Variants in HECW2 observed in about 807,000 individuals in gnomAD.
The protein encoded by HECW2 is HECT, C2 and WW domain containing E3 ubiquitin protein ligase 2.
HECW2 carries 61 observed loss-of-function variants against 175.2 expected under a neutral mutation model. The ratio of observed to expected loss-of-function variants is 0.35; its 90% CI spans 0.28 to 0.43. The LOEUF is 0.43. Ranked by LOEUF, HECW2 falls within the 20% of genes least tolerant of loss-of-function variation. HECW2 has a pLI of 1.00. For missense variants in HECW2, 1,524 were observed against 2,000.5 expected (o/e 0.76, Z 4.54); for synonymous variants, 671 against 731.0 (o/e 0.92, Z 1.32).
chr2:196,560,336 G>A (rs1453572604), intron 1 of HECW2, among the ~76,000 whole-genome samples: 2 of 152,034 alleles, frequency 1.3e-5, no homozygotes, highest in Non-Finnish European at 2.9e-5. Context: ...AGTAGAGACG[G>A]GGTTTCACCA....
At chr2:196,278,398 A>C (rs1575345598) in intron 15 of HECW2, 130 bp downstream of exon 15, 2 of 942,472 alleles carry the variant, frequency 2.1e-6, no homozygotes, top group East Asian at 2.6e-5. Context: ...AAAGCTTTTC[A>C]GCCTCTAAAT....
intron 7 of HECW2, among the ~76,000 whole-genome samples, chr2:196,322,158 C>T (rs1356008717): frequency 6.6e-6 from 1 of 152,088 alleles, no homozygotes; most frequent in Non-Finnish European, 1.5e-5. Context: ...TCAACCTGAT[C>T]CAAGAATTCT....
chr2:196,448,460 A>G (rs113917239), intron 1 of HECW2, among the ~76,000 whole-genome samples: 5 of 152,176 alleles, frequency 3.3e-5, no homozygotes, highest in Non-Finnish European at 5.9e-5. Flanking sequence ...TCTGGGTTAC[A>G]ACTGGGTTAT....
At chr2:196,556,211 T>C (rs957914644) in intron 1 of HECW2, among the ~76,000 whole-genome samples, 2 of 152,198 alleles carry the variant, frequency 1.3e-5, no homozygotes, top group African/African-American at 2.4e-5. Context: ...GAGTACATGA[T>C]GTTTTGATAT....
intron 1 of HECW2, among the ~76,000 whole-genome samples, chr2:196,472,927 T>C (rs1157813811): frequency 2.0e-5 from 3 of 152,318 alleles, no homozygotes; most frequent in African/African-American, 4.8e-5. Context: ...AGCTGGAAGG[T>C]AACTTTTTTA....
Position 196,433,322 on chromosome 2 carries a change from C to G in HECW2, c.102G>C (p.Gln34His), listed in dbSNP as rs781267320. 2 of 1,614,132 alleles carry G rather than the reference C, an allele frequency of 1.2e-6. No homozygotes were observed. Among genetic ancestry groups the G allele is most frequent in the Admixed American group, 1.7e-5 (1 of 60,028 alleles). Residue 34 changes from glutamine to histidine, a missense_variant, in exon 2 of 29, where the codon CAG becomes CAC. Transcript: ENST00000644978. ...SPENLQSLAA[Q>H]SSMPENMTLQ... ...GGGTCATGTTCTCTGGCATGGAGCT[C>G]TGGGCGGCAAGGCTCTGGAGGTTCT...
intron 2 of HECW2, among the ~76,000 whole-genome samples, chr2:196,401,492 G>C (rs1694815988): frequency 6.6e-6 from 1 of 152,058 alleles, no homozygotes; most frequent in Non-Finnish European, 1.5e-5. Flanking sequence ...AGTATTATTT[G>C]AAATTTTATG....
chr2:196,364,081 T>C (rs1170472355), intron 2 of HECW2, among the ~76,000 whole-genome samples: 1 of 152,170 alleles, frequency 6.6e-6, no homozygotes, highest in Non-Finnish European at 1.5e-5. Flanking sequence ...CAGCTCTTAC[T>C]ATCACTCACT....
rs535594126 is a variant in HECW2, at chr2:196,343,056, G to C, written c.400+601C>G. Among the ~76,000 whole-genome samples the C allele has an allele frequency of 2.4e-4, 35 of 146,810 alleles. 1 individual carries two copies. Among genetic ancestry groups the C allele is most frequent in the Non-Finnish European group, 4.8e-4 (32 of 67,364 alleles). On this transcript the variant is annotated intron_variant, in intron 3 of 28. Coordinates refer to ENST00000644978, the MANE Select transcript of HECW2 (RefSeq NM_001348768.2). ...GTACATGTAATATTTGCATATATAT[G>C]TAAATGTGTATGTTTGTGTGTGTGT...
chr2:196,532,230 A>G (rs530218229), intron 1 of HECW2, among the ~76,000 whole-genome samples: 11 of 152,326 alleles, frequency 7.2e-5, no homozygotes, highest in African/African-American at 2.2e-4. Flanking sequence ...AACCAACCCA[A>G]ATGTCCATCA....
chr2:196,375,843 C>CT (rs1255255935), intron 2 of HECW2, among the ~76,000 whole-genome samples: 1 of 152,264 alleles, frequency 6.6e-6, no homozygotes, highest in African/African-American at 2.4e-5. Flanking sequence ...ATGAATGACA[C>CT]TTGTTCTATA....
At chr2:196,363,224 T>C (rs1018815479) in intron 2 of HECW2, among the ~76,000 whole-genome samples, 1 of 151,886 alleles carries the variant, frequency 6.6e-6, no homozygotes, top group Admixed American at 6.6e-5. Context: ...ATAGCAAGCA[T>C]GTTCAGAATG....
At chr2:196,484,513 G>A (rs550391697) in intron 1 of HECW2, among the ~76,000 whole-genome samples, 1 of 152,044 alleles carries the variant, frequency 6.6e-6, no homozygotes, top group East Asian at 1.9e-4. Context: ...TTCACTCTGC[G>A]GTCCCTCCTC....
chr2:196,282,209 CAT>C (rs1328971644), intron 14 of HECW2, among the ~76,000 whole-genome samples: 2 of 152,198 alleles, frequency 1.3e-5, no homozygotes, highest in African/African-American at 2.4e-5. Flanking sequence ...AGATGTAAAA[CAT>C]AGTACTTCTG....
At chr2:196,547,716 C>A (rs13398313) in intron 1 of HECW2, among the ~76,000 whole-genome samples, 5,340 of 152,262 alleles carry the variant, frequency 0.035, 309 homozygotes, top group African/African-American at 0.12. Context: ...ACAGGAAGGG[C>A]TTCCACTTCT....
intron 1 of HECW2, among the ~76,000 whole-genome samples, chr2:196,496,319 G>A (rs1408910868): frequency 6.6e-6 from 1 of 151,952 alleles, no homozygotes; most frequent in Non-Finnish European, 1.5e-5. Context: ...CATATTTGTT[G>A]ATGTTTCTGA....
chr2:196,553,352 T>C (rs1689667452), intron 1 of HECW2, among the ~76,000 whole-genome samples: 1 of 152,194 alleles, frequency 6.6e-6, no homozygotes, highest in African/African-American at 2.4e-5. Context: ...TGTGGGTACT[T>C]GGCACTGAGA....
At chr2:196,504,295 CAA>C (rs371882295) in intron 1 of HECW2, among the ~76,000 whole-genome samples, 6 of 94,172 alleles carry the variant, frequency 6.4e-5, no homozygotes, top group Admixed American at 1.2e-4. Flanking sequence ...AACTCTGTCT[CAA>C]AAAAAAAAAA....
chr2:196,558,574 T>C (rs760651138), intron 1 of HECW2, among the ~76,000 whole-genome samples: 22 of 152,364 alleles, frequency 1.4e-4, no homozygotes, highest in Non-Finnish European at 2.2e-4. Context: ...CAAAGCTCTT[T>C]TTACCACTTG....
Sources: allele counts gnomAD v4.1 joint callset (sites outside exome capture counted in the v4.1 genomes callset), GRCh38; gene constraint gnomAD v4.1.1; transcripts MANE v1.5; gene names NCBI Gene and HGNC (gene_info 2026-07-23, HGNC 2026-07-21).